Variants in INPP5A observed in about 807,000 individuals in gnomAD.
The protein encoded by INPP5A is inositol polyphosphate-5-phosphatase A, also known as 43 kDa inositol polyphosphate 5-phophatase.
Under a neutral mutation model 65.2 loss-of-function variants are expected in INPP5A, and 14 were observed. The observed-to-expected ratio is 0.21, with a 90% confidence interval of 0.14 to 0.34. INPP5A has a LOEUF of 0.34. Ranked by LOEUF, INPP5A falls within the 10% of genes least tolerant of loss-of-function variation. The pLI is 1.00. For synonymous variants in INPP5A, 207 were observed against 208.3 expected (o/e 0.99, Z 0.05); for missense variants, 431 against 545.6 (o/e 0.79, Z 2.09).
At chr10:132,591,653 G>A (rs922098222) in intron 1 of INPP5A, among the ~76,000 whole-genome samples, 7 of 152,230 alleles carry the variant, frequency 4.6e-5, no homozygotes, top group African/African-American at 1.7e-4. Context: ...TGTGATGGCT[G>A]TTGTTTTGTC....
intron 4 of INPP5A, among the ~76,000 whole-genome samples, chr10:132,662,436 C>T (rs1429711467): frequency 2.0e-5 from 3 of 152,200 alleles, no homozygotes; most frequent in Non-Finnish European, 4.4e-5. Flanking sequence ...AGTCTGTGTA[C>T]ACCGTGGTGT....
In INPP5A at chr10:132,646,106, T is replaced by G. The variant is rs1248077184; in HGVS notation, c.218+138T>G. The G allele has an allele frequency of 1.2e-5, 8 of 649,462 alleles. No individual in the cohort carries two copies. In the Admixed American group the frequency reaches 1.6e-4, roughly 13 times the overall value. 40.2% of individuals were successfully genotyped at this position (649,462 alleles called of 1,614,324 possible). On this transcript the variant is annotated intron_variant, in intron 3 of 15. Coordinates refer to ENST00000368594, the MANE Select transcript of INPP5A (RefSeq NM_005539.5). ...GGGGTCATCTTGGCTGAGTCTCAGT[T>G]TTCCAAAGAGAGGAGTGGCCCAGAC...
rs1373898496 is a variant in INPP5A, at chr10:132,547,666, A to C, written c.75+9495A>C. 6.6e-6 allele frequency among the ~76,000 whole-genome samples: 1 copy of C among 152,046 alleles called. No individual in the cohort carries two copies. The highest frequency in any genetic ancestry group is 2.4e-5 in the African/African-American group (1 of 41,402). On this transcript the variant is annotated intron_variant, in intron 1 of 15. Transcript: ENST00000368594. This position sits in a 1 kb window ranked among gnomAD's most constrained non-coding sequence, Gnocchi z 5.5. ...TTGGTTTTTCAGGCCTTCATGCCTCAGCTTGAGGGGCTCTTTTTTCAAAGG... is the reference window on the plus strand; with the variant it reads ...TTGGTTTTTCAGGCCTTCATGCCTCCGCTTGAGGGGCTCTTTTTTCAAAGG...
In INPP5A at chr10:132,651,553, C is replaced by G. The variant is rs769121287; in HGVS notation, c.306+1048C>G. ...CTCTGGAGAGGCCCTGCATCCTTCT[C>G]CCCCATCTCTGGCCTTCTGTCCCCA... On this transcript the variant is annotated intron_variant, in intron 4 of 15. Coordinates refer to ENST00000368594, the MANE Select transcript of INPP5A (RefSeq NM_005539.5). This position sits in a 1 kb window ranked among gnomAD's most constrained non-coding sequence, Gnocchi z 5.0. Among the ~76,000 whole-genome samples, 31 of 152,286 alleles carry G rather than the reference C, an allele frequency of 2.0e-4. No homozygotes were observed. The highest frequency in any genetic ancestry group is 3.8e-4 in the Non-Finnish European group (26 of 68,004).
chr10:132,691,387 C>T (rs1845257287), intron 5 of INPP5A, among the ~76,000 whole-genome samples: 2 of 152,254 alleles, frequency 1.3e-5, no homozygotes, highest in South Asian at 4.1e-4. Context: ...GCTCTCCGCT[C>T]CGTTTTGGAG....
At chr10:132,752,163 G>A (rs1293156363) in intron 11 of INPP5A, among the ~76,000 whole-genome samples, 1 of 143,706 alleles carries the variant, frequency 7.0e-6, no homozygotes, top group Non-Finnish European at 1.6e-5. Context: ...AGACAGGGCT[G>A]CCGTCGTTTG....
At chr10:132,709,827 A>G (rs1845603844) in intron 7 of INPP5A, among the ~76,000 whole-genome samples, 1 of 152,230 alleles carries the variant, frequency 6.6e-6, no homozygotes, top group Middle Eastern at 3.2e-3. Flanking sequence ...ACAGAGGCTC[A>G]GGCCTTGATC....
At chr10:132,773,813 G>C (rs542793402) in intron 12 of INPP5A, among the ~76,000 whole-genome samples, 1 of 152,360 alleles carries the variant, frequency 6.6e-6, no homozygotes, top group Admixed American at 6.5e-5. Flanking sequence ...GCCCGGGCTG[G>C]AGTGCAGTGG....
intron 4 of INPP5A, among the ~76,000 whole-genome samples, chr10:132,657,463 G>A (rs2072672323): frequency 6.6e-6 from 1 of 152,216 alleles, no homozygotes; most frequent in African/African-American, 2.4e-5. Flanking sequence ...TGCAAGTGCT[G>A]TGCACGGCAG....
chr10:132,775,840 C>T (rs1847054370), intron 12 of INPP5A, among the ~76,000 whole-genome samples: 1 of 152,188 alleles, frequency 6.6e-6, no homozygotes, highest in African/African-American at 2.4e-5. Context: ...TCTCTCCGTG[C>T]CCCCAGGGGA....
Position 132,732,064 on chromosome 10 carries a change from C to T in INPP5A, c.732+5159C>T, listed in dbSNP as rs1361240112. 2.6e-5 allele frequency among the ~76,000 whole-genome samples: 4 copies of T among 152,360 alleles called. No individual in the cohort carries two copies. The East Asian group carries it at 5.8e-4, about 22-fold the overall frequency. On this transcript the variant is annotated intron_variant, in intron 9 of 15. Transcript: ENST00000368594. ...TTCCTGGGAGCAGGGAGGCCTCCAC[C>T]CACCACGGCTCATTCACACGCCCGG...
chr10:132,722,560 C>T (rs76123712), intron 8 of INPP5A, among the ~76,000 whole-genome samples: 286 of 152,326 alleles, frequency 1.9e-3, no homozygotes, highest in African/African-American at 2.9e-3. Context: ...GGGAAGCGCC[C>T]GCTGTTGGAA....
chr10:132,735,747 G>T (rs575622191), intron 9 of INPP5A, among the ~76,000 whole-genome samples: 1 of 152,344 alleles, frequency 6.6e-6, no homozygotes, highest in Admixed American at 6.5e-5. Context: ...ATGGGAGGCC[G>T]GGCAGAGCCG....
At chr10:132,685,832 A>C (rs1189128313) in intron 4 of INPP5A, among the ~76,000 whole-genome samples, 3 of 152,210 alleles carry the variant, frequency 2.0e-5, no homozygotes, top group Non-Finnish European at 4.4e-5. Flanking sequence ...GTGTTTGCAA[A>C]GTGGGCCCGC....
intron 1 of INPP5A, among the ~76,000 whole-genome samples, chr10:132,560,152 G>A (rs1204095647): frequency 2.6e-5 from 4 of 151,386 alleles, no homozygotes; most frequent in Admixed American, 2.6e-4. Context: ...GTGTGAACAT[G>A]TGTCTCCAGC....
At chr10:132,541,083 G>A (rs557713093) in intron 1 of INPP5A, among the ~76,000 whole-genome samples, 2 of 146,164 alleles carry the variant, frequency 1.4e-5, no homozygotes, top group African/African-American at 2.5e-5. Flanking sequence ...AGCCTCGACC[G>A]CCCTGACTCA....
At chr10:132,654,596 T>TG (rs1207100884) in intron 4 of INPP5A, among the ~76,000 whole-genome samples, 6 of 152,206 alleles carry the variant, frequency 3.9e-5, no homozygotes, top group Non-Finnish European at 8.8e-5. Flanking sequence ...ATCACCCTCC[T>TG]GCCCCAGCCA....
chr10:132,774,162 G>A (rs1197649848), intron 12 of INPP5A, among the ~76,000 whole-genome samples: 2 of 152,236 alleles, frequency 1.3e-5, no homozygotes, highest in Admixed American at 1.3e-4. Flanking sequence ...TTGGTTTTAG[G>A]GCCTTCTCCT....
intron 11 of INPP5A, among the ~76,000 whole-genome samples, chr10:132,758,225 T>G (rs1338747543): frequency 8.7e-6 from 1 of 115,318 alleles, no homozygotes; most frequent in African/African-American, 3.0e-5. Context: ...CAGTGCGATG[T>G]CGTGGGTCCC....
Sources: gnomAD v4.1 joint callset for allele counts (sites outside exome capture counted in the v4.1 genomes callset) on GRCh38, gnomAD v4.1.1 for gene constraint, Gnocchi (gnomAD v3.1) non-coding constraint, MANE v1.5 for transcripts, NCBI Gene and HGNC (gene_info 2026-07-23, HGNC 2026-07-21) for gene names.